The following YTHDF3 variants were observed in gnomAD, a reference collection of about 807,000 sequenced individuals.
YTHDF3 encodes YTH N6-methyladenosine RNA binding protein F3.
A neutral mutation model predicts 52.5 loss-of-function variants in YTHDF3; 9 were observed. The observed-to-expected ratio is 0.17, with a 90% CI of 0.10 to 0.30. The LOEUF is 0.30. Ranked by LOEUF, YTHDF3 falls within the 10% of genes least tolerant of loss-of-function variation. The pLI, the probability that YTHDF3 is intolerant of heterozygous loss-of-function variation, is 1.00. For synonymous variants in YTHDF3, 274 were observed against 243.3 expected (o/e 1.13, Z -1.18); for missense variants, 534 against 715.0 (o/e 0.75, Z 2.89).
At chr8:63,199,348 G>T (rs1005016171) in intron 4 of YTHDF3, among the ~76,000 whole-genome samples, 4 of 152,146 alleles carry the variant, frequency 2.6e-5, no homozygotes, top group South Asian at 2.1e-4. Flanking sequence ...CTCAAGTTCT[G>T]CAGTCGCTTC....
At chr8:63,190,219 A>T (rs887627891) in intron 4 of YTHDF3, among the ~76,000 whole-genome samples, 15 of 151,964 alleles carry the variant, frequency 9.9e-5, no homozygotes, top group Non-Finnish European at 1.6e-4. Context: ...GTGGGATGAG[A>T]TTACTTAGGA....
chr8:63,194,752 A>C (rs1407567464), intron 4 of YTHDF3, among the ~76,000 whole-genome samples: 2 of 152,178 alleles, frequency 1.3e-5, no homozygotes, highest in Admixed American at 6.5e-5. Context: ...CTAGTAGTGA[A>C]TCCAGTCTAG....
At chr8:63,186,065 T>C in intron 3 of YTHDF3, 82 bp from the exon 4 acceptor site, 1 of 1,362,638 alleles carries the variant, frequency 7.3e-7, no homozygotes, top group Non-Finnish European at 1.0e-6. Context: ...ACTTAAAACT[T>C]CTTGATTTTA....
At chr8:63,169,433 T>C (rs1807131277) in intron 2 of YTHDF3, 22 bp downstream of exon 2, 14 of 1,576,736 alleles carry the variant, frequency 8.9e-6, no homozygotes, top group Non-Finnish European at 1.1e-5. Flanking sequence ...TTTTTTTTTT[T>C]CTTATTGCTC....
chr8:63,186,100 C>A, intron 3 of YTHDF3, 47 bp from the exon 4 acceptor site: 1 of 1,504,614 alleles, frequency 6.6e-7, no homozygotes, highest in Non-Finnish European at 9.0e-7. Context: ...TTTTTTTGCT[C>A]TTTTAAGAGG....
At chr8:63,181,095 G>C (rs1808103611) in intron 3 of YTHDF3, among the ~76,000 whole-genome samples, 1 of 152,176 alleles carries the variant, frequency 6.6e-6, no homozygotes, top group South Asian at 2.1e-4. Context: ...CATGTAATTT[G>C]TGCATATAAA....
intron 4 of YTHDF3, among the ~76,000 whole-genome samples, chr8:63,197,099 A>G (rs1481505075): frequency 1.3e-5 from 2 of 152,164 alleles, no homozygotes; most frequent in African/African-American, 4.8e-5. Flanking sequence ...ACCTTGGAGA[A>G]TTGAAGGAAG....
At chr8:63,171,694 T>C (rs1439951701) in intron 2 of YTHDF3, among the ~76,000 whole-genome samples, 1 of 152,230 alleles carries the variant, frequency 6.6e-6, no homozygotes, top group Admixed American at 6.5e-5. Flanking sequence ...CAATTCTGTT[T>C]ACTTTCATGA....
chr8:63,180,256 G>C (rs1297351641), intron 3 of YTHDF3, among the ~76,000 whole-genome samples: 1 of 151,864 alleles, frequency 6.6e-6, no homozygotes, highest in Middle Eastern at 3.4e-3. Flanking sequence ...TCACTTCTCA[G>C]ACGGGGCGGC....
At chr8:63,206,320 C>T (rs1380503738) in intron 4 of YTHDF3, among the ~76,000 whole-genome samples, 3 of 152,130 alleles carry the variant, frequency 2.0e-5, no homozygotes, top group African/African-American at 7.2e-5. Flanking sequence ...GCCTCAGCCT[C>T]CCAAAGTGCT....
At chr8:63,182,722 A>C (rs1808223911) in intron 3 of YTHDF3, among the ~76,000 whole-genome samples, 1 of 152,172 alleles carries the variant, frequency 6.6e-6, no homozygotes. Context: ...CTTGGAAACC[A>C]GTTACCTTCA....
At chr8:63,204,727 C>T (rs1160970767) in intron 4 of YTHDF3, among the ~76,000 whole-genome samples, 2 of 152,110 alleles carry the variant, frequency 1.3e-5, no homozygotes, top group African/African-American at 2.4e-5. Flanking sequence ...CTGCCTTCTT[C>T]GGCAGTTCTG....
chr8:63,190,298 G>T (rs972557588), intron 4 of YTHDF3, among the ~76,000 whole-genome samples: 4 of 150,622 alleles, frequency 2.7e-5, no homozygotes, highest in Non-Finnish European at 5.9e-5. Flanking sequence ...TCACCCTTCT[G>T]TGTCTTTTTT....
chr8:63,169,955 C>G (rs1433451342), intron 2 of YTHDF3, among the ~76,000 whole-genome samples: 1 of 152,152 alleles, frequency 6.6e-6, no homozygotes, highest in African/African-American at 2.4e-5. Context: ...AGGTGTGACT[C>G]TATCTGGTAT....
chr8:63,178,200 TC>T, intron 3 of YTHDF3, among the ~76,000 whole-genome samples: 1 of 152,248 alleles, frequency 6.6e-6, no homozygotes. Flanking sequence ...TAGAAGGGTT[TC>T]TACTGGAGGA....
chr8:63,193,820 G>T (rs1190028397), intron 4 of YTHDF3, among the ~76,000 whole-genome samples: 1 of 152,150 alleles, frequency 6.6e-6, no homozygotes, highest in African/African-American at 2.4e-5. Flanking sequence ...AAGTTTGACA[G>T]TATCAAGTAT....
chr8:63,195,867 C>CAT (rs1809205700), intron 4 of YTHDF3, among the ~76,000 whole-genome samples: 1 of 151,790 alleles, frequency 6.6e-6, no homozygotes, highest in Non-Finnish European at 1.5e-5. Context: ...GTGGTGTGAT[C>CAT]ATAAGTTCAC....
At chr8:63,182,379 A>G (rs1808200796) in intron 3 of YTHDF3, among the ~76,000 whole-genome samples, 1 of 151,592 alleles carries the variant, frequency 6.6e-6, no homozygotes, top group Admixed American at 6.6e-5. Context: ...CTTTAAGCTA[A>G]TAGCTTTTAA....
chr8:63,168,739 A>G lies in YTHDF3; in HGVS notation c.-139A>G. 1 of 1,527,976 alleles carries G rather than the reference A, an allele frequency of 6.5e-7. No homozygotes were observed. Among genetic ancestry groups the G allele is most frequent in the South Asian group, 1.2e-5 (1 of 83,374 alleles). The allele number at this position is 1,527,976 out of a possible 1,614,324, so 94.7% of individuals were successfully genotyped here. On this transcript the variant is annotated 5_prime_UTR_variant, in exon 1 of 5. Transcript: ENST00000539294. ...TCCGACTCCCGAGCGCGAGGCCCTC[A>G]TTTTGGGTTCTCAGCGAACGGCGGC...
Sources: gnomAD v4.1 joint callset for allele counts (sites outside exome capture counted in the v4.1 genomes callset) on GRCh38, gnomAD v4.1.1 for gene constraint, MANE v1.5 for transcripts, NCBI Gene and HGNC (gene_info 2026-07-23, HGNC 2026-07-21) for gene names.